Variants in GTPBP2 observed in about 807,000 individuals in gnomAD.
The protein encoded by GTPBP2 is GTP-binding protein 2.
In GTPBP2, 32 loss-of-function variants were observed where a neutral mutation model predicts 63.0. The ratio of observed to expected loss-of-function variants is 0.51; its 90% CI spans 0.38 to 0.68. GTPBP2 has a LOEUF of 0.68. GTPBP2 is among the 30% of genes least tolerant of loss of function. The probability of loss-of-function intolerance (pLI) is 0.00; values close to 1 mark genes in which losing one functional copy is unlikely to be tolerated. For missense variants in GTPBP2, 492 were observed against 796.9 expected, an observed-to-expected ratio of 0.62 and a Z score of 4.61; for synonymous variants, 310 against 322.6, an observed-to-expected ratio of 0.96 and a Z score of 0.42.
Position 43,622,603 on chromosome 6 carries a change from T to A in GTPBP2, c.1467+30A>T, listed in dbSNP as rs1269523233. On this transcript the variant is annotated intron_variant, in intron 10 of 11. Coordinates refer to ENST00000307126, the MANE Select transcript of GTPBP2 (RefSeq NM_019096.5). This position sits in a 1 kb window ranked among gnomAD's most constrained non-coding sequence, Gnocchi z 5.4. ...AGTCTCCTAGGCACTTCTCTTAGCG[T>A]TCCCTCCCCAACCCATGCACCCACC... The A allele has an allele frequency of 6.3e-7, 1 of 1,589,310 alleles. No individual in the cohort carries two copies. Among genetic ancestry groups the A allele is most frequent in the Non-Finnish European group, 8.6e-7 (1 of 1,160,634 alleles).
Position 43,629,184 on chromosome 6 carries a change from C to A in GTPBP2, c.-22G>T. 1 of 1,375,150 alleles carries A rather than the reference C, an allele frequency of 7.3e-7. No individual in the cohort carries two copies. The highest frequency in any genetic ancestry group is 9.3e-7 in the Non-Finnish European group (1 of 1,072,000). The allele number at this position is 1,375,150 out of a possible 1,614,324, so 85.2% of individuals were successfully genotyped here. ...CCATCCGCCGCTGCCGCCAGCCCCC[C>A]GCCCGGCCCCTCCCCCGACCGCCGC... is the stretch of plus-strand genomic sequence containing the variant. On this transcript the variant is annotated 5_prime_UTR_variant, in exon 1 of 12. Coordinates refer to ENST00000307126, the MANE Select transcript of GTPBP2 (RefSeq NM_019096.5).
Position 43,622,029 on chromosome 6 carries a change from C to T in GTPBP2, c.1606G>A (p.Ala536Thr). ...TVHVGNVRQT[A>T]VVEKIHAKDK... ...TTGGCATGGATCTTTTCCACCACTG[C>T]CGTCTGACGTACGTTGCCCACGTGT... The change falls in exon 11 of 12, where the codon GCA (alanine) becomes ACA (threonine). Residue 536 changes from alanine (A) to threonine (T), a missense_variant. This residue lies in a region of GTPBP2 where 400 missense variants were observed against 710.8 expected (regional missense o/e 0.56). Coordinates refer to ENST00000307126, the MANE Select transcript of GTPBP2 (RefSeq NM_019096.5). The surrounding 1 kb of genome is among the most constrained non-coding windows in gnomAD (Gnocchi z 5.4). The T allele has an allele frequency of 6.2e-7, 1 of 1,614,218 alleles. No individual in the cohort carries two copies. The highest frequency in any genetic ancestry group is 8.5e-7 in the Non-Finnish European group (1 of 1,180,040).
rs1191419748 is a variant in GTPBP2 at position 43,629,201 on chromosome 6, G to A, written c.-39C>T. 2 of 794,442 alleles carry A rather than the reference G, an allele frequency of 2.5e-6. No homozygotes were observed. Among genetic ancestry groups the A allele is most frequent in the Middle Eastern group, 5.6e-4 (1 of 1,782 alleles). 49.2% of individuals were successfully genotyped at this position (794,442 alleles called of 1,614,324 possible). ...CAGCCCCCCGCCCGGCCCCTCCCCC[G>A]ACCGCCGCCGCCGTCGCCGCCGCCC... On this transcript the variant is annotated 5_prime_UTR_variant, in exon 1 of 12. Coordinates refer to ENST00000307126, the MANE Select transcript of GTPBP2 (RefSeq NM_019096.5).
chr6:43,627,162 G>A, intron 1 of GTPBP2: 1 of 642,412 alleles, frequency 1.6e-6, no homozygotes, highest in Non-Finnish European at 2.3e-6. Flanking sequence ...AGGACACAAG[G>A]AGTCACCCAT....
Position 43,626,332 on chromosome 6 carries a change from C to G in GTPBP2, c.292G>C (p.Gly98Arg). The part of the protein sequence containing the change: ...QMKWRLQEGR[G>R]EAVYQIGVED... The stretch of plus-strand genomic sequence containing the variant: ...ACCCCAATCTGGTAGACGGCCTCAC[C>G]ACGTCCCTCCTGGAGCCGCCACTTC... The change falls in exon 3 of 12, where the codon GGT becomes CGT. Residue 98 changes from glycine to arginine, a missense_variant. Gly to Arg is a moderately radical substitution (Grantham distance 125). Around this residue, in one of 2 missense-constraint regions of GTPBP2, gnomAD observed 400 missense variants for 710.8 expected, o/e 0.56. Transcript: ENST00000307126. This position sits in a 1 kb window ranked among gnomAD's most constrained non-coding sequence, Gnocchi z 4.0. 1 of 1,614,196 alleles carries G rather than the reference C, an allele frequency of 6.2e-7. No homozygotes were observed. The highest frequency in any genetic ancestry group is 8.5e-7 in the Non-Finnish European group (1 of 1,179,996).
intron 11 of GTPBP2, 33 bp downstream of exon 11, chr6:43,621,970 C>G: frequency 6.2e-7 from 1 of 1,612,868 alleles, no homozygotes; most frequent in Non-Finnish European, 8.5e-7. Flanking sequence ...CTTTTCTGAC[C>G]TCTGGAGAAA....
chr6:43,628,805 T>C, intron 1 of GTPBP2, 172 bp downstream of exon 1: 1 of 834,984 alleles, frequency 1.2e-6, no homozygotes, highest in South Asian at 1.3e-5. Context: ...GTCCAGTCTC[T>C]GCCCTTCCTC....
chr6:43,626,146 C>T lies in GTPBP2; in HGVS notation c.398+80G>A, dbSNP rs1019959420. 1 of 1,357,494 alleles carries T rather than the reference C, an allele frequency of 7.4e-7. No individual in the cohort carries two copies. Among genetic ancestry groups the T allele is most frequent in the Non-Finnish European group, 1.0e-6 (1 of 966,876 alleles). 84.1% of individuals were successfully genotyped at this position (1,357,494 alleles called of 1,614,324 possible). ...AGAGAAGGAAAGTCCCACCTTGGCC[C>T]CTCAGGCCCTAGGTAACTGGGTATG... is the stretch of plus-strand genomic sequence containing the variant. On this transcript the variant is annotated intron_variant, in intron 3 of 11. Transcript: ENST00000307126. This position sits in a 1 kb window ranked among gnomAD's most constrained non-coding sequence, Gnocchi z 4.0.
Position 43,621,485 on chromosome 6 carries a change from C to T in GTPBP2, c.*129G>A. On this transcript the variant is annotated 3_prime_UTR_variant, in exon 12 of 12. Coordinates refer to ENST00000307126, the MANE Select transcript of GTPBP2 (RefSeq NM_019096.5). ...ACCTCTCCAGAAAGTTGGCAGGGAG[C>T]AAGTGGCAGACAGCACCCCTCTCTC... 1 of 1,556,740 alleles carries T rather than the reference C, an allele frequency of 6.4e-7. No individual in the cohort carries two copies. The highest frequency in any genetic ancestry group is 2.4e-5 in the East Asian group (1 of 41,286).
chr6:43,622,789 C>A lies in GTPBP2; in HGVS notation c.1311G>T (p.Glu437Asp). 6.2e-7 allele frequency: 1 copy of A among 1,613,392 alleles called. No individual in the cohort carries two copies. Among genetic ancestry groups the A allele is most frequent in the East Asian group, 2.2e-5 (1 of 44,850 alleles). The change falls in exon 10 of 12, where the codon GAG becomes GAT. Residue 437 changes from glutamate to aspartate, a missense_variant. By Grantham distance (45) the Glu-to-Asp change is conservative. Coordinates refer to ENST00000307126, the MANE Select transcript of GTPBP2 (RefSeq NM_019096.5). The surrounding 1 kb of genome is among the most constrained non-coding windows in gnomAD (Gnocchi z 5.4). ...GGTLSSGICR[E>D]GDQLVVGPTD... ...TGGGGCCCACCACCAGCTGGTCCCC[C>A]TCACGGCAAATCCCACTGCAGCCCA... is the stretch of plus-strand genomic sequence containing the variant.
Position 43,628,998 on chromosome 6 carries a change from G to T in GTPBP2, c.165C>A (p.Asn55Lys), listed in dbSNP as rs762393343. 6 of 1,613,850 alleles carry T rather than the reference G, an allele frequency of 3.7e-6. No homozygotes were observed. Among genetic ancestry groups the T allele is most frequent in the Non-Finnish European group, 5.1e-6 (6 of 1,179,888 alleles). ...TCACCTCGGGGGGCAAATACGGGGG[G>T]TTGTTGGCTTTGCCCCCTCTGTTCC... ...NGRNRGGKANNPPYLPPEAED... is the reference protein window; with the variant it reads ...NGRNRGGKANKPPYLPPEAED... Residue 55 changes from asparagine to lysine, a missense_variant, in exon 1 of 12, where the codon AAC (asparagine) becomes AAA (lysine). Transcript: ENST00000307126.
chr6:43,622,940 G>C lies in GTPBP2; in HGVS notation c.1296-136C>G. Reference sequence around the variant, plus strand: ...GGGAAGAACCCTAAATTCTGACTTGGATGTAACAGGGCTCACTGCCAGAGT... The same window carrying C: ...GGGAAGAACCCTAAATTCTGACTTGCATGTAACAGGGCTCACTGCCAGAGT... On this transcript the variant is annotated intron_variant, in intron 9 of 11. Transcript: ENST00000307126. The surrounding 1 kb of genome is among the most constrained non-coding windows in gnomAD (Gnocchi z 5.4). The C allele has an allele frequency of 1.5e-6, 1 of 648,192 alleles. No individual in the cohort carries two copies. Among genetic ancestry groups the C allele is most frequent in the Non-Finnish European group, 2.6e-6 (1 of 381,922 alleles). The allele number at this position is 648,192 out of a possible 1,614,324, so 40.2% of individuals were successfully genotyped here.
chr6:43,629,419 G>A (rs915935310), upstream of GTPBP2: 1 of 569,392 alleles, frequency 1.8e-6, no homozygotes, highest in Admixed American at 3.5e-5. Context: ...AGGCATCGCG[G>A]CGCAAGTGGC....
intron 1 of GTPBP2, chr6:43,628,755 C>T: frequency 1.3e-6 from 1 of 780,102 alleles, no homozygotes; most frequent in Non-Finnish European, 2.3e-6. Flanking sequence ...GGGGAGTCCT[C>T]CCTCTCCACT....
At chr6:43,631,098 A>G (rs1582360909), upstream of GTPBP2, among the ~76,000 whole-genome samples, 1 of 152,106 alleles carries the variant, frequency 6.6e-6, no homozygotes, top group Non-Finnish European at 1.5e-5. Context: ...TTTACTGATC[A>G]TGCTGTCCAC....
upstream of GTPBP2, chr6:43,629,569 TG>T (rs1769764813): frequency 1.5e-6 from 1 of 687,992 alleles, no homozygotes; most frequent in East Asian, 2.7e-5. Context: ...AGGCCTGGGG[TG>T]GGGACGCGAG....
chr6:43,624,656 G>A lies in GTPBP2; in HGVS notation c.954C>T (p.Ile318=), dbSNP rs989940256. The A allele has an allele frequency of 9.3e-6, 15 of 1,614,026 alleles. No homozygotes were observed. The highest frequency in any genetic ancestry group is 1.7e-4 in the Middle Eastern group (1 of 6,060). The change falls in exon 7 of 12, where the codon ATC becomes ATT. Residue 318 remains isoleucine, a synonymous_variant. Coordinates refer to ENST00000307126, the MANE Select transcript of GTPBP2 (RefSeq NM_019096.5). This position sits in a 1 kb window ranked among gnomAD's most constrained non-coding sequence, Gnocchi z 5.1. ...CCACTGTGGTCTTGGCACATAGGTCGATCTTGCTGACCACGATGAAGAAGG... is the reference window on the plus strand; with the variant it reads ...CCACTGTGGTCTTGGCACATAGGTCAATCTTGCTGACCACGATGAAGAAGG... ...KVPFFIVVSK[I]DLCAKTTVER...
Position 43,623,751 on chromosome 6 carries a change from T to C in GTPBP2, c.1281A>G (p.Gly427=). ...AGACAATTTACCTGGAAAGTGTTCC[T>C]CCAACAACAGTCCCCACCTCTGGTA... The part of the protein sequence containing the change: ...YTVPEVGTVV[G]GTLSSGICRE... The change falls in exon 9 of 12, where the codon GGA becomes GGG. Residue 427 remains glycine, a synonymous_variant. Coordinates refer to ENST00000307126, the MANE Select transcript of GTPBP2 (RefSeq NM_019096.5). The C allele has an allele frequency of 6.2e-7, 1 of 1,613,002 alleles. No homozygotes were observed. The highest frequency in any genetic ancestry group is 8.5e-7 in the Non-Finnish European group (1 of 1,178,964).
At position 43,626,316 on chromosome 6, in the gene GTPBP2, T is replaced by G. The variant is rs1403253666; in HGVS notation, c.308A>C (p.Gln103Pro). Residue 103 changes from glutamine to proline, a missense_variant, in exon 3 of 12, where the codon CAG (glutamine) becomes CCG (proline). By Grantham distance (76) the Gln-to-Pro change is moderately conservative (BLOSUM62 -1). Coordinates refer to ENST00000307126, the MANE Select transcript of GTPBP2 (RefSeq NM_019096.5). This position sits in a 1 kb window ranked among gnomAD's most constrained non-coding sequence, Gnocchi z 4.0. Reference sequence around the variant, plus strand: ...CAGCCCATTGTCCTCTACCCCAATCTGGTAGACGGCCTCACCACGTCCCTC... The same window carrying G: ...CAGCCCATTGTCCTCTACCCCAATCGGGTAGACGGCCTCACCACGTCCCTC... ...LQEGRGEAVY[Q>P]IGVEDNGLLV... 4 of 1,613,592 alleles carry G rather than the reference T, an allele frequency of 2.5e-6. No homozygotes were observed. In the African/African-American group the frequency reaches 5.3e-5, roughly 22 times the overall value.
Sources: allele counts gnomAD v4.1 joint callset (sites outside exome capture counted in the v4.1 genomes callset), GRCh38; gene constraint gnomAD v4.1.1; regional missense constraint gnomAD v4.1.1; non-coding constraint Gnocchi (gnomAD v3.1); transcripts MANE v1.5; gene names NCBI Gene and HGNC (gene_info 2026-07-23, HGNC 2026-07-21).